USP48: variants seen among roughly 807,000 people sequenced by gnomAD.
The protein encoded by USP48 is ubiquitin carboxyl-terminal hydrolase 48.
A neutral mutation model predicts 150.7 loss-of-function variants in USP48; 43 were observed. The observed-to-expected ratio is 0.29, with a 90% confidence interval of 0.22 to 0.37. USP48 has a LOEUF of 0.37. USP48 is among the 10% of genes least tolerant of loss of function. The pLI is 1.00. For synonymous variants in USP48, 396 were observed against 425.9 expected (o/e 0.93, Z 0.86); for missense variants, 813 against 1,249.6 (o/e 0.65, Z 5.27).
intron 9 of USP48, 150 bp from the exon 10 acceptor site, chr1:21,729,982 GCT>G: frequency 1.1e-6 from 1 of 883,372 alleles, no homozygotes; most frequent in East Asian, 2.6e-5. Flanking sequence ...AATTTGGCAG[GCT>G]CTTTAGCTTT....
chr1:21,752,833 T>C (rs1475650182), intron 4 of USP48, among the ~76,000 whole-genome samples, 159 bp downstream of exon 4: 1 of 152,206 alleles, frequency 6.6e-6, no homozygotes, highest in Non-Finnish European at 1.5e-5. Context: ...TGGAATCAAG[T>C]ATAATGTGTA....
chr1:21,706,273 A>C (rs1042289917), intron 17 of USP48, 86 bp from the exon 18 acceptor site: 1 of 1,528,044 alleles, frequency 6.5e-7, no homozygotes, highest in Non-Finnish European at 8.9e-7. Context: ...GGTTGTCCTT[A>C]TTCAAGTTTT....
At chr1:21,759,976 T>G (rs765767415) in intron 1 of USP48, among the ~76,000 whole-genome samples, 1 of 152,168 alleles carries the variant, frequency 6.6e-6, no homozygotes, top group Non-Finnish European at 1.5e-5. Flanking sequence ...GTGGAGAAAC[T>G]TGACAGACAC....
intron 22 of USP48, among the ~76,000 whole-genome samples, chr1:21,698,693 C>T (rs1299094882): frequency 1.3e-5 from 2 of 151,992 alleles, no homozygotes; most frequent in Admixed American, 6.6e-5. Context: ...GATTTGATTC[C>T]CCCATCCTGG....
intron 21 of USP48, 40 bp from the exon 22 acceptor site, chr1:21,701,642 CT>C: frequency 6.3e-7 from 1 of 1,583,172 alleles, no homozygotes; most frequent in Non-Finnish European, 8.7e-7. Flanking sequence ...AGGTCAGACC[CT>C]AGGAAGGCAG....
At chr1:21,771,862 G>A (rs556281103) in intron 1 of USP48, among the ~76,000 whole-genome samples, 24 of 151,798 alleles carry the variant, frequency 1.6e-4, no homozygotes, top group East Asian at 1.5e-3. Context: ...AAGTTGTGGT[G>A]AGCCGAGATT....
intron 22 of USP48, 31 bp downstream of exon 22, chr1:21,701,467 T>A: frequency 1.3e-6 from 2 of 1,587,982 alleles, no homozygotes; most frequent in Non-Finnish European, 1.7e-6. Flanking sequence ...CAGCAGAAAG[T>A]ATAACAATGA....
chr1:21,735,476 C>G (rs564695886), intron 9 of USP48, among the ~76,000 whole-genome samples: 4 of 152,302 alleles, frequency 2.6e-5, no homozygotes, highest in African/African-American at 9.6e-5. Flanking sequence ...GTTGGCCGGG[C>G]ATGATGGTTC....
chr1:21,713,221 T>C lies in USP48; in HGVS notation c.1963+2168A>G, dbSNP rs567493703. On this transcript the variant is annotated intron_variant, in intron 15 of 26. Transcript: ENST00000308271. Reference sequence around the variant, plus strand: ...CTGGGCTCAGGTAACCCTCTCAATGTAGCCTTTCATGTAGCTGGGAAAACT... The same window carrying C: ...CTGGGCTCAGGTAACCCTCTCAATGCAGCCTTTCATGTAGCTGGGAAAACT... 5.5e-4 allele frequency among the ~76,000 whole-genome samples: 83 copies of C among 152,202 alleles called. 1 individual carries two copies. Among genetic ancestry groups the C allele is most frequent in the Middle Eastern group, 3.4e-3 (1 of 294 alleles).
Position 21,689,945 on chromosome 1 carries a change from G to C in USP48, c.3009+29C>G, listed in dbSNP as rs1229820752. ...AGTTATGTAACATGTAAAACCTTGA[G>C]TTCTTCAGCTAAGGAGCTGTTTACT... On this transcript the variant is annotated intron_variant, in intron 24 of 26. Transcript: ENST00000308271. The C allele has an allele frequency of 3.1e-6, 5 of 1,610,782 alleles. No individual in the cohort carries two copies. The Middle Eastern group carries it at 6.6e-4, about 214-fold the overall frequency.
intron 1 of USP48, among the ~76,000 whole-genome samples, chr1:21,777,608 A>G (rs2097902994): frequency 6.6e-6 from 1 of 152,118 alleles, no homozygotes; most frequent in African/African-American, 2.4e-5. Flanking sequence ...TTAAGGCTAC[A>G]GTGAGCTACA....
intron 14 of USP48, among the ~76,000 whole-genome samples, chr1:21,719,401 A>G (rs1315810838): frequency 6.6e-6 from 1 of 152,168 alleles, no homozygotes; most frequent in Non-Finnish European, 1.5e-5. Flanking sequence ...TTTTCCCAAA[A>G]AGTAAGGTAG....
At chr1:21,771,353 G>A (rs144360144) in intron 1 of USP48, among the ~76,000 whole-genome samples, 3,079 of 149,166 alleles carry the variant, frequency 0.021, 41 homozygotes, top group Middle Eastern at 0.05. Context: ...TAGCCTGGGC[G>A]ACAGAGCAAG....
At chr1:21,705,922 G>C in intron 18 of USP48, 85 bp from the exon 19 acceptor site, 2 of 1,198,154 alleles carry the variant, frequency 1.7e-6, no homozygotes, top group Non-Finnish European at 2.3e-6. Flanking sequence ...TTCAAAATCA[G>C]AGATATATTT....
chr1:21,723,206 A>G (rs2097726589), intron 12 of USP48, among the ~76,000 whole-genome samples: 1 of 152,186 alleles, frequency 6.6e-6, no homozygotes, highest in Non-Finnish European at 1.5e-5. Context: ...AACCATCTAC[A>G]GCTCACACAC....
In USP48 at chr1:21,687,202, T is replaced by G. The variant is rs1458806437; in HGVS notation, c.3047A>C (p.Asp1016Ala). 6.2e-7 allele frequency: 1 copy of G among 1,613,154 alleles called. No homozygotes were observed. ...EPIADYAAMD[D>A]VMQVCMPEEG... ...AAATTCATCTTTACCTTGCATGACA[T>G]CATCCATTGCAGCATAATCTGCAAT... Residue 1016 changes from aspartate (D) to alanine (A), a missense_variant, in exon 25 of 27, where the codon GAT becomes GCT. Asp to Ala is a moderately radical substitution (Grantham distance 126). Coordinates refer to ENST00000308271, the MANE Select transcript of USP48 (RefSeq NM_032236.8).
At chr1:21,743,453 C>T (rs333178) in intron 8 of USP48, among the ~76,000 whole-genome samples, 11,661 of 152,238 alleles carry the variant, frequency 0.077, 500 homozygotes, top group Middle Eastern at 0.11. Flanking sequence ...AGTGGGGTTC[C>T]TCTCCCACTA....
chr1:21,752,538 G>T lies in USP48; in HGVS notation c.654C>A (p.Ala218=), dbSNP rs1047483280. 5.0e-6 allele frequency: 8 copies of T among 1,610,502 alleles called. No individual in the cohort carries two copies. In the Admixed American group the frequency reaches 1.2e-4, roughly 24 times the overall value. ...IVQQQFCGEY[A]YVTVCNQCGR... is the part of the protein sequence containing the mutation. ...TGAAACAGACTTACACAGTTACATAGGCATATTCTCCACAGAACTGCTGTT... is the reference window on the plus strand; with the variant it reads ...TGAAACAGACTTACACAGTTACATATGCATATTCTCCACAGAACTGCTGTT... Residue 218 remains alanine, a synonymous_variant, in exon 5 of 27, where the codon GCC becomes GCA. Transcript: ENST00000308271.
chr1:21,693,874 G>A (rs1165549589), intron 23 of USP48, among the ~76,000 whole-genome samples: 1 of 152,178 alleles, frequency 6.6e-6, no homozygotes. Flanking sequence ...ACCCTCAAAG[G>A]AAGGCCTGTA....
Sources: allele counts gnomAD v4.1 joint callset (sites outside exome capture counted in the v4.1 genomes callset), GRCh38; gene constraint gnomAD v4.1.1; transcripts MANE v1.5; gene names NCBI Gene and HGNC (gene_info 2026-07-23, HGNC 2026-07-21).